Variants in ARFGEF2 observed in about 807,000 individuals in gnomAD.
The protein encoded by ARFGEF2 is ARF guanine nucleotide exchange factor 2.
A neutral mutation model predicts 219.9 loss-of-function variants in ARFGEF2; 74 were observed. That is an observed-to-expected ratio of 0.34 (90% confidence interval 0.28 to 0.41). The LOEUF (loss-of-function observed/expected upper bound fraction) is 0.41. ARFGEF2 is among the 10% of genes least tolerant of loss of function. ARFGEF2 has a pLI of 1.00. For missense variants in ARFGEF2, 1,743 were observed against 2,218.3 expected (o/e 0.79, Z 4.30); for synonymous variants, 733 against 799.2 (o/e 0.92, Z 1.40).
At chr20:48,996,759 A>AT (rs2091392024) in intron 23 of ARFGEF2, among the ~76,000 whole-genome samples, 1 of 142,598 alleles carries the variant, frequency 7.0e-6, no homozygotes, top group African/African-American at 2.6e-5. Flanking sequence ...AAAAAAAAAA[A>AT]GCCTACCCAT....
chr20:48,946,406 T>G (rs1165627434), intron 3 of ARFGEF2, among the ~76,000 whole-genome samples: 1 of 152,042 alleles, frequency 6.6e-6, no homozygotes, highest in Non-Finnish European at 1.5e-5. Context: ...GGGCTCAGTG[T>G]AAGGGGGGTT....
At chr20:49,003,322 T>C (rs943730694) in intron 25 of ARFGEF2, among the ~76,000 whole-genome samples, 3 of 150,256 alleles carry the variant, frequency 2.0e-5, no homozygotes, top group Non-Finnish European at 3.0e-5. Context: ...AATAAAACAT[T>C]GGCCGGGCAC....
At chr20:48,987,427 C>G (rs1357723666) in intron 16 of ARFGEF2, among the ~76,000 whole-genome samples, 1 of 152,200 alleles carries the variant, frequency 6.6e-6, no homozygotes, top group Non-Finnish European at 1.5e-5. Context: ...TCAGACTTCA[C>G]CAACATATTG....
At chr20:48,923,769 AT>A (rs1375020719) in intron 1 of ARFGEF2, among the ~76,000 whole-genome samples, 1 of 152,162 alleles carries the variant, frequency 6.6e-6, no homozygotes, top group Non-Finnish European at 1.5e-5. Context: ...TTAACATAAA[AT>A]TTTCACCAAA....
intron 1 of ARFGEF2, among the ~76,000 whole-genome samples, chr20:48,923,481 A>G (rs959889112): frequency 1.3e-5 from 2 of 152,218 alleles, no homozygotes; most frequent in Admixed American, 1.3e-4. Context: ...GGTAGTCTAG[A>G]TAATCTGGAA....
chr20:49,012,467 C>T (rs2091505253), intron 28 of ARFGEF2, among the ~76,000 whole-genome samples: 1 of 151,270 alleles, frequency 6.6e-6, no homozygotes, highest in Non-Finnish European at 1.5e-5. Context: ...TAAAAATCAC[C>T]TTTTGTTTTC....
At chr20:48,925,564 T>C (rs376518488) in intron 1 of ARFGEF2, among the ~76,000 whole-genome samples, 93 of 152,302 alleles carry the variant, frequency 6.1e-4, no homozygotes, top group African/African-American at 2.1e-3. Flanking sequence ...GGCTGGGCAC[T>C]GTGGTTCATG....
At chr20:49,013,526 T>C (rs751239472) in intron 28 of ARFGEF2, 38 bp from the exon 29 acceptor site, 117 of 1,613,812 alleles carry the variant, frequency 7.2e-5, no homozygotes, top group Non-Finnish European at 9.7e-5. Context: ...TCCTTTTGCA[T>C]GCTTAGTTTA....
intron 21 of ARFGEF2, among the ~76,000 whole-genome samples, chr20:48,993,612 A>G (rs1271619340): frequency 6.6e-6 from 1 of 152,164 alleles, no homozygotes; most frequent in Non-Finnish European, 1.5e-5. Flanking sequence ...GTTTCCCTGG[A>G]GGTCTGTGTG....
chr20:48,999,530 C>T (rs1431888164), intron 25 of ARFGEF2, among the ~76,000 whole-genome samples: 1 of 151,996 alleles, frequency 6.6e-6, no homozygotes, highest in Non-Finnish European at 1.5e-5. Context: ...AGGTGGATCA[C>T]AGGTCAGGAG....
chr20:49,016,247 T>G lies in ARFGEF2; in HGVS notation c.4180-33T>G, dbSNP rs371444625. On this transcript the variant is annotated intron_variant, in intron 30 of 38. Coordinates refer to ENST00000371917, the MANE Select transcript of ARFGEF2 (RefSeq NM_006420.3). ...AATGCCCATCTCACTGCAGGGAGAATAGCTTTTAAGTGTCATCTTTTTGTT... is the reference window on the plus strand; with the variant it reads ...AATGCCCATCTCACTGCAGGGAGAAGAGCTTTTAAGTGTCATCTTTTTGTT... 8.1e-6 allele frequency: 13 copies of G among 1,611,716 alleles called. No homozygotes were observed. The African/African-American group carries it at 1.7e-4, about 22-fold the overall frequency.
Position 48,976,077 on chromosome 20 carries a change from G to A in ARFGEF2, c.1836G>A (p.Arg612=). The A allele has an allele frequency of 6.2e-7, 1 of 1,613,294 alleles. No homozygotes were observed. The highest frequency in any genetic ancestry group is 8.5e-7 in the Non-Finnish European group (1 of 1,180,020). The change falls in exon 14 of 39, where the codon CGG becomes CGA. Residue 612 remains arginine, a synonymous_variant. Transcript: ENST00000371917. ...GDGKGLDMAR[R]CSVTSMESTV... ...GGAAAGGCCTTGACATGGCAAGACG[G>A]TGTAGTGTGACGTCCATGGAGTCCA...
intron 1 of ARFGEF2, among the ~76,000 whole-genome samples, chr20:48,926,447 T>C (rs915677360): frequency 6.6e-6 from 1 of 151,988 alleles, no homozygotes; most frequent in African/African-American, 2.4e-5. Flanking sequence ...TCATTTGAGT[T>C]ATTCAGTTTT....
intron 8 of ARFGEF2, among the ~76,000 whole-genome samples, chr20:48,967,190 A>G (rs2091193453): frequency 6.6e-6 from 1 of 152,164 alleles, no homozygotes; most frequent in Admixed American, 6.5e-5. Flanking sequence ...TTAAATCTAT[A>G]CAAGGGACTC....
intron 12 of ARFGEF2, among the ~76,000 whole-genome samples, chr20:48,974,171 G>C (rs1173004136): frequency 8.0e-6 from 1 of 125,146 alleles, no homozygotes; most frequent in Non-Finnish European, 1.6e-5. Context: ...TGTCACCCAG[G>C]CTGGAGTGCA....
intron 14 of ARFGEF2, among the ~76,000 whole-genome samples, chr20:48,982,668 A>C (rs4810903): frequency 6.6e-6 from 1 of 151,930 alleles, no homozygotes; most frequent in Admixed American, 6.6e-5. Flanking sequence ...GAGCTTCACC[A>C]GCACTTTGTT....
At chr20:48,922,677 C>A (rs1192475658) in intron 1 of ARFGEF2, among the ~76,000 whole-genome samples, 1 of 151,770 alleles carries the variant, frequency 6.6e-6, no homozygotes, top group Non-Finnish European at 1.5e-5. Context: ...AGTAGGTGCT[C>A]GATAAATATT....
chr20:48,973,425 C>A, intron 12 of ARFGEF2, 141 bp downstream of exon 12: 1 of 889,076 alleles, frequency 1.1e-6, no homozygotes, highest in Non-Finnish European at 1.8e-6. Context: ...TTCCTGCCAT[C>A]ATGAAACGAC....
Position 48,985,438 on chromosome 20 carries a change from G to A in ARFGEF2, c.2101G>A (p.Ala701Thr), listed in dbSNP as rs201298117. The A allele has an allele frequency of 2.0e-5, 33 of 1,614,142 alleles. No homozygotes were observed. The highest frequency in any genetic ancestry group is 9.3e-5 in the African/African-American group (7 of 75,030). ...TQVGDFLGDS[A>T]RFNKEVMYAY... ...AGTAGGCGATTTTCTGGGAGATAGC[G>A]CAAGGTTCAACAAGGAGGTGATGTA... The change falls in exon 16 of 39, where the codon GCA becomes ACA. Residue 701 changes from alanine (A) to threonine (T), a missense_variant. Transcript: ENST00000371917.
Sources: gnomAD v4.1 joint callset for allele counts (sites outside exome capture counted in the v4.1 genomes callset) on GRCh38, gnomAD v4.1.1 for gene constraint, MANE v1.5 for transcripts, NCBI Gene and HGNC (gene_info 2026-07-23, HGNC 2026-07-21) for gene names.